The following ZNF469 variants were observed in gnomAD, a reference collection of about 807,000 sequenced individuals.
ZNF469 encodes zinc finger protein 469.
ZNF469 carries 1 observed loss-of-function variant against 1.0 expected under a neutral mutation model. That is an observed-to-expected ratio of 1.00 (90% confidence interval 0.35 to 4.73). ZNF469 has a LOEUF of 4.73. Among genes scored for constraint, ZNF469 ranks in the 30% most tolerant of loss-of-function variants. The probability of loss-of-function intolerance (pLI) is 0.16; values close to 1 mark genes in which losing one functional copy is unlikely to be tolerated. For synonymous variants in ZNF469, 2,703 were observed against 2,363.4 expected, an observed-to-expected ratio of 1.14 and a Z score of -4.17; for missense variants, 6,100 against 5,356.3, an observed-to-expected ratio of 1.14 and a Z score of -4.33.
chr16:88,146,204 C>T, the ZNF469 span, among the ~76,000 whole-genome samples: 1 of 152,240 alleles, frequency 6.6e-6, no homozygotes, highest in East Asian at 1.9e-4. Context: ...CACCCGGGCC[C>T]AGGTGACTAG....
the ZNF469 span, among the ~76,000 whole-genome samples, chr16:88,228,887 C>T: frequency 1.1e-4 from 16 of 152,226 alleles, no homozygotes; most frequent in South Asian, 2.7e-3. Flanking sequence ...TCTGGGTGGA[C>T]GGGGTCTGGT....
chr16:88,434,601 G>A lies in ZNF469; in HGVS notation c.7131G>A (p.Pro2377=), dbSNP rs773655006. The A allele has an allele frequency of 1.5e-4, 230 of 1,550,164 alleles. No individual in the cohort carries two copies. The highest frequency in any genetic ancestry group is 1.0e-3 in the Middle Eastern group (6 of 6,008). Residue 2377 remains proline (P), a synonymous_variant, in exon 3 of 3, where the codon CCG becomes CCA. Coordinates refer to ENST00000565624, the MANE Select transcript of ZNF469 (RefSeq NM_001367624.2). ...AGATGGGGACCAGCAGCAAGGAGCC[G>A]GAGGACCCAGGGACCCCTGAGACCG... ...EGEMGTSSKE[P]EDPGTPETGR...
Position 88,429,347 on chromosome 16 carries a change from C to T in ZNF469, c.1877C>T (p.Pro626Leu). The T allele has an allele frequency of 1.3e-6, 2 of 1,549,850 alleles. No homozygotes were observed. The highest frequency in any genetic ancestry group is 1.7e-4 in the Middle Eastern group (1 of 5,988). Residue 626 changes from proline (P) to leucine (L), a missense_variant, in exon 3 of 3, where the codon CCC becomes CTC. Transcript: ENST00000565624. Reference protein sequence around the residue: ...ANPSSEESQLPGPLGPSAFFH... With the variant: ...ANPSSEESQLLGPLGPSAFFH... The stretch of plus-strand genomic sequence containing the variant: ...CCCAGCTCAGAGGAAAGCCAGCTCC[C>T]CGGCCCCCTCGGGCCCTCGGCCTTC...
At chr16:88,172,549 G>T in the ZNF469 span, among the ~76,000 whole-genome samples, 1 of 152,150 alleles carries the variant, frequency 6.6e-6, no homozygotes, top group African/African-American at 2.4e-5. Context: ...ACAAAAGCCA[G>T]AAATCAACAA....
At chr16:88,202,402 A>G in the ZNF469 span, among the ~76,000 whole-genome samples, 2 of 151,996 alleles carry the variant, frequency 1.3e-5, no homozygotes, top group African/African-American at 2.4e-5. Flanking sequence ...GTGGGTCCTA[A>G]AGTCCTCTCC....
the ZNF469 span, among the ~76,000 whole-genome samples, chr16:88,291,972 C>A: frequency 1.3e-5 from 2 of 152,156 alleles, no homozygotes; most frequent in African/African-American, 2.4e-5. Flanking sequence ...AGGGAAGGGG[C>A]TGGAGCCGAA....
chr16:88,147,941 G>T, the ZNF469 span, among the ~76,000 whole-genome samples: 1 of 152,124 alleles, frequency 6.6e-6, no homozygotes, highest in South Asian at 2.1e-4. Context: ...CTTCGTCGTT[G>T]TGTGTACACC....
chr16:88,238,510 C>T, the ZNF469 span, among the ~76,000 whole-genome samples: 4 of 152,154 alleles, frequency 2.6e-5, no homozygotes, highest in Non-Finnish European at 5.9e-5. Flanking sequence ...TAGGTAGACC[C>T]GAGGTAGACT....
the ZNF469 span, among the ~76,000 whole-genome samples, chr16:88,369,649 G>C: frequency 2.0e-5 from 3 of 152,206 alleles, no homozygotes; most frequent in African/African-American, 7.2e-5. Flanking sequence ...TGGCTGTGAC[G>C]ACATTCTCAT....
At chr16:88,188,845 C>T in the ZNF469 span, among the ~76,000 whole-genome samples, 1 of 152,150 alleles carries the variant, frequency 6.6e-6, no homozygotes, top group South Asian at 2.1e-4. Context: ...TTGAGGAGCA[C>T]AGCCTTAGAT....
intron 1 of ZNF469, among the ~76,000 whole-genome samples, chr16:88,400,844 G>A (rs771181213): frequency 1.4e-4 from 22 of 152,072 alleles, no homozygotes; most frequent in Admixed American, 7.2e-4. Flanking sequence ...AGCATCTTCA[G>A]TAACCCCAAG....
chr16:88,381,404 A>T (rs1013327870), upstream of ZNF469, among the ~76,000 whole-genome samples: 3 of 150,878 alleles, frequency 2.0e-5, no homozygotes, highest in Non-Finnish European at 4.4e-5. Flanking sequence ...ACACGCACTC[A>T]CACACAGACA....
At chr16:88,167,841 C>T in the ZNF469 span, among the ~76,000 whole-genome samples, 6 of 152,344 alleles carry the variant, frequency 3.9e-5, no homozygotes, top group South Asian at 2.1e-4. Context: ...CAGGACGGAC[C>T]GCTCCTTACA....
chr16:88,185,038 T>C, the ZNF469 span, among the ~76,000 whole-genome samples: 68,893 of 149,018 alleles, frequency 0.46, 16,895 homozygotes, highest in African/African-American at 0.64. Context: ...TACAGGCACA[T>C]ACGTATCCAG....
chr16:88,109,920 A>G, the ZNF469 span, among the ~76,000 whole-genome samples: 587 of 152,264 alleles, frequency 3.9e-3, 1 homozygote, highest in African/African-American at 0.014. Context: ...ACTCTTACCA[A>G]ATGTTAGTTG....
chr16:88,117,621 T>TGCCTTCGGGGACCATGGAGGTGCCACGC, the ZNF469 span, among the ~76,000 whole-genome samples: 2 of 152,114 alleles, frequency 1.3e-5, no homozygotes, highest in African/African-American at 4.8e-5. Context: ...AGGTGCCACG[T>TGCCTTCGGGGACCATGGAGGTGCCACGC]GTCTTCATGG....
chr16:88,261,025 G>C, the ZNF469 span, among the ~76,000 whole-genome samples: 1 of 152,168 alleles, frequency 6.6e-6, no homozygotes, highest in South Asian at 2.1e-4. This position sits in a 1 kb window ranked among gnomAD's most constrained non-coding sequence, Gnocchi z 6.0. Context: ...TGGGGAGCCC[G>C]GGCCAGCGTC....
the ZNF469 span, among the ~76,000 whole-genome samples, chr16:88,172,148 C>T: frequency 2.0e-5 from 3 of 152,138 alleles, no homozygotes; most frequent in East Asian, 5.8e-4. Flanking sequence ...AACCAGAGGG[C>T]AGACTACTGG....
At chr16:88,293,930 G>C in the ZNF469 span, among the ~76,000 whole-genome samples, 1 of 152,176 alleles carries the variant, frequency 6.6e-6, no homozygotes, top group Non-Finnish European at 1.5e-5. Context: ...ACGTGACACA[G>C]GTGGAGGGAA....
Sources: gnomAD v4.1 joint callset for allele counts (sites outside exome capture counted in the v4.1 genomes callset) on GRCh38, gnomAD v4.1.1 for gene constraint, Gnocchi (gnomAD v3.1) non-coding constraint, MANE v1.5 for transcripts, NCBI Gene and HGNC (gene_info 2026-07-23, HGNC 2026-07-21) for gene names.